Variants in IL18R1 observed in about 807,000 individuals in gnomAD.
IL18R1 encodes interleukin 18 receptor 1, also known as interleukin-18 receptor 1.
Under a neutral mutation model 48.5 loss-of-function variants are expected in IL18R1, and 40 were observed. That is an observed-to-expected ratio of 0.82 (90% CI 0.64 to 1.07). IL18R1 has a LOEUF of 1.07. Ranked by LOEUF, IL18R1 falls within the 50% of genes least tolerant of loss-of-function variation. The pLI is 0.00. For synonymous variants in IL18R1, 232 were observed against 225.9 expected (o/e 1.03, Z -0.24); for missense variants, 596 against 633.7 (o/e 0.94, Z 0.64).
Position 102,387,680 on chromosome 2 carries a change from C to G in IL18R1, c.949+680C>G, listed in dbSNP as rs541631407. The stretch of plus-strand genomic sequence containing the variant: ...CTCATTCACTGTTCATTCCCAGGCT[C>G]CACCATCAACTCCCTGGATATGTAG... On this transcript the variant is annotated intron_variant, in intron 8 of 10. Coordinates refer to ENST00000233957, the MANE Select transcript of IL18R1 (RefSeq NM_003855.5). Among the ~76,000 whole-genome samples, 4 of 152,226 alleles carry G rather than the reference C, an allele frequency of 2.6e-5. No homozygotes were observed. In the East Asian group the frequency reaches 7.7e-4, roughly 29 times the overall value.
chr2:102,394,692 G>GC (rs1680731114), intron 10 of IL18R1, 65 bp downstream of exon 10: 1 of 1,399,668 alleles, frequency 7.1e-7, no homozygotes, highest in African/African-American at 1.4e-5. Flanking sequence ...GAATGAGCTA[G>GC]CCCCCAGAGA....
At chr2:102,360,666 A>G (rs1347802159) in intron 1 of IL18R1, among the ~76,000 whole-genome samples, 1 of 152,204 alleles carries the variant, frequency 6.6e-6, no homozygotes, top group Non-Finnish European at 1.5e-5. Flanking sequence ...CATTTTGTAA[A>G]TCTCCTACAT....
Position 102,396,954 on chromosome 2 carries a change from A to G in IL18R1, c.*68A>G. 2 of 906,016 alleles carry G rather than the reference A, an allele frequency of 2.2e-6. No individual in the cohort carries two copies. The highest frequency in any genetic ancestry group is 3.4e-6 in the Non-Finnish European group (2 of 588,978). The allele number at this position is 906,016 out of a possible 1,614,324, so 56.1% of individuals were successfully genotyped here. A position where few individuals can be genotyped will look rare whatever the true frequency, so the allele number is the denominator to read the frequency against. On this transcript the variant is annotated 3_prime_UTR_variant, in exon 11 of 11. Coordinates refer to ENST00000233957, the MANE Select transcript of IL18R1 (RefSeq NM_003855.5). ...GGGGACTGAGCATATGAACCTGTTC[A>G]TAACAAAGGCTGTGACTCGAAATAA... is the stretch of plus-strand genomic sequence containing the variant.
At chr2:102,396,038 G>A (rs930661050) in intron 10 of IL18R1, among the ~76,000 whole-genome samples, 2 of 152,110 alleles carry the variant, frequency 1.3e-5, no homozygotes, top group South Asian at 2.1e-4. Flanking sequence ...GTTTTGTTTT[G>A]TTGTGCCTTT....
At chr2:102,363,537 T>C (rs1385591102) in intron 2 of IL18R1, among the ~76,000 whole-genome samples, 1 of 152,208 alleles carries the variant, frequency 6.6e-6, no homozygotes, top group Non-Finnish European at 1.5e-5. Context: ...TTTTTATATG[T>C]AATGATCTGT....
At chr2:102,386,354 A>G (rs773622189) in intron 7 of IL18R1, among the ~76,000 whole-genome samples, 19 of 152,254 alleles carry the variant, frequency 1.2e-4, no homozygotes, top group Admixed American at 1.3e-4. Flanking sequence ...GAACAACTTA[A>G]CTGGCACTTC....
At position 102,376,098 on chromosome 2, in the gene IL18R1, G is replaced by T. The variant is rs375166889; in HGVS notation, c.625+35G>T. 3 of 1,498,158 alleles carry T rather than the reference G, an allele frequency of 2.0e-6. No individual in the cohort carries two copies. The Admixed American group carries it at 7.2e-5, about 36-fold the overall frequency. 92.8% of individuals were successfully genotyped at this position (1,498,158 alleles called of 1,614,324 possible). A position where few individuals can be genotyped will look rare whatever the true frequency, so the allele number is the denominator to read the frequency against. Reference sequence around the variant, plus strand: ...ATCTTAGAATTGGGAAGAAACAGACGTATTTTAGTAAAATGGAATTTTTTC... The same window carrying T: ...ATCTTAGAATTGGGAAGAAACAGACTTATTTTAGTAAAATGGAATTTTTTC... On this transcript the variant is annotated intron_variant, in intron 5 of 10. Transcript: ENST00000233957.
In IL18R1 at chr2:102,375,990, C is replaced by T; in HGVS notation, c.552C>T (p.Ser184=). 6.2e-7 allele frequency: 1 copy of T among 1,608,608 alleles called. No individual in the cohort carries two copies. Among genetic ancestry groups the T allele is most frequent in the Non-Finnish European group, 8.5e-7 (1 of 1,177,872 alleles). The change falls in exon 5 of 11, where the codon TCC becomes TCT. Residue 184 remains serine (S), a synonymous_variant. Transcript: ENST00000233957. ...NAEFEDQGYY[S]CVHFLHHNGK... ...AGTTTGAAGATCAGGGGTATTACTC[C>T]TGCGTGCATTTCCTTCATCATAATG...
intron 1 of IL18R1, among the ~76,000 whole-genome samples, chr2:102,358,845 T>C (rs1361977023): frequency 6.6e-6 from 1 of 152,182 alleles, no homozygotes; most frequent in Non-Finnish European, 1.5e-5. Context: ...TGCCAATGGA[T>C]CAGATGATCA....
chr2:102,378,738 A>G (rs1393311659), intron 5 of IL18R1, among the ~76,000 whole-genome samples: 2 of 152,236 alleles, frequency 1.3e-5, no homozygotes, highest in South Asian at 2.1e-4. Flanking sequence ...AAAGGTGCTC[A>G]TTACATGCCT....
Position 102,381,694 on chromosome 2 carries a change from T to A in IL18R1, c.688+12T>A. 6.3e-7 allele frequency: 1 copy of A among 1,576,840 alleles called. No individual in the cohort carries two copies. The highest frequency in any genetic ancestry group is 8.7e-7 in the Non-Finnish European group (1 of 1,146,338). On this transcript the variant is annotated intron_variant, in intron 6 of 10. Transcript: ENST00000233957. ...TGCAGTGGAATTAGGTATATTTCAA[T>A]ATACATATATTCTGCATTTATAAGT... is the stretch of plus-strand genomic sequence containing the variant.
At chr2:102,381,595 T>A in intron 5 of IL18R1, 25 bp from the exon 6 acceptor site, 2 of 1,576,630 alleles carry the variant, frequency 1.3e-6, no homozygotes, top group Non-Finnish European at 8.7e-7. Context: ...ACTAATACAT[T>A]TGTCTTTTCT....
rs775898253 is a variant in IL18R1, at chr2:102,381,617, T to C, written c.626-3T>C. ...CATTTGTCTTTTCTTTTGTCACTTCTAGATCGCAGTAATATAGTTCCGGTT... is the reference window on the plus strand; with the variant it reads ...CATTTGTCTTTTCTTTTGTCACTTCCAGATCGCAGTAATATAGTTCCGGTT... On this transcript the variant is annotated splice_region_variant and splice_polypyrimidine_tract_variant and intron_variant, in intron 5 of 10. Transcript: ENST00000233957. 9.3e-6 allele frequency: 15 copies of C among 1,610,992 alleles called. No homozygotes were observed. The highest frequency in any genetic ancestry group is 8.5e-6 in the Non-Finnish European group (10 of 1,177,148).
intron 6 of IL18R1, among the ~76,000 whole-genome samples, chr2:102,384,558 G>A (rs1159747051): frequency 6.6e-6 from 1 of 151,998 alleles, no homozygotes; most frequent in East Asian, 1.9e-4. Context: ...TTATCCATTT[G>A]GTTTATCTAG....
intron 7 of IL18R1, among the ~76,000 whole-genome samples, chr2:102,385,961 A>T (rs1455562938): frequency 1.3e-5 from 2 of 152,200 alleles, no homozygotes; most frequent in Non-Finnish European, 2.9e-5. Context: ...AGTTGGGTGC[A>T]CACACCTTTG....
At chr2:102,389,971 G>A in intron 8 of IL18R1, 85 bp from the exon 9 acceptor site, 4 of 1,377,478 alleles carry the variant, frequency 2.9e-6, no homozygotes, top group East Asian at 2.4e-5. Context: ...AGTGTTAGCA[G>A]TAAAAATGGA....
At chr2:102,361,706 G>A (rs1010155931) in intron 1 of IL18R1, among the ~76,000 whole-genome samples, 1 of 152,190 alleles carries the variant, frequency 6.6e-6, no homozygotes, top group African/African-American at 2.4e-5. Flanking sequence ...TCTGAAACCA[G>A]ACTCTGCCAT....
At chr2:102,362,808 A>T (rs1408223105) in intron 2 of IL18R1, 90 bp downstream of exon 2, 1 of 715,844 alleles carries the variant, frequency 1.4e-6, no homozygotes, top group African/African-American at 1.8e-5. Flanking sequence ...GCTACTGAAG[A>T]TGCTGAATTT....
intron 3 of IL18R1, among the ~76,000 whole-genome samples, chr2:102,371,423 T>C (rs1251084206): frequency 6.6e-6 from 1 of 152,208 alleles, no homozygotes; most frequent in Non-Finnish European, 1.5e-5. Context: ...AAAGAGCTAA[T>C]TCAATTACAC....
Sources: gnomAD v4.1 joint callset for allele counts (sites outside exome capture counted in the v4.1 genomes callset) on GRCh38, gnomAD v4.1.1 for gene constraint, MANE v1.5 for transcripts, NCBI Gene and HGNC (gene_info 2026-07-23, HGNC 2026-07-21) for gene names.